Variants in MAPK8IP3 observed in about 807,000 individuals in gnomAD.
MAPK8IP3 encodes the protein mitogen-activated protein kinase 8 interacting protein 3.
MAPK8IP3 carries 49 observed loss-of-function variants against 157.8 expected under a neutral mutation model. The ratio of observed to expected loss-of-function variants is 0.31; its 90% confidence interval spans 0.25 to 0.39. The LOEUF is 0.39. Among genes scored for constraint, MAPK8IP3 ranks in the 10% least tolerant of loss-of-function variants. The pLI is 1.00. For synonymous variants in MAPK8IP3, 897 were observed against 777.7 expected (o/e 1.15, Z -2.55); for missense variants, 1,478 against 1,889.4 (o/e 0.78, Z 4.04).
At chr16:1,750,813 T>C (rs905850847) in intron 8 of MAPK8IP3, among the ~76,000 whole-genome samples, 1 of 151,972 alleles carries the variant, frequency 6.6e-6, no homozygotes, top group Non-Finnish European at 1.5e-5. Context: ...GCCCAGGTAA[T>C]TTTTGTATTT....
chr16:1,744,507 G>A, intron 5 of MAPK8IP3: 1 of 985,662 alleles, frequency 1.0e-6, no homozygotes, highest in Non-Finnish European at 1.2e-6. Flanking sequence ...TCCTCCCTGT[G>A]CTCAGGGCTG....
intron 8 of MAPK8IP3, among the ~76,000 whole-genome samples, chr16:1,755,936 G>A (rs947564134): frequency 6.6e-6 from 1 of 150,426 alleles, no homozygotes; most frequent in African/African-American, 2.4e-5. Flanking sequence ...AAATAATAAA[G>A]AAATAAAGAG....
chr16:1,767,094 C>G lies in MAPK8IP3; in HGVS notation c.3089-55C>G. 4 of 1,602,470 alleles carry G rather than the reference C, an allele frequency of 2.5e-6. No homozygotes were observed. The South Asian group carries it at 3.3e-5, about 13-fold the overall frequency. On this transcript the variant is annotated intron_variant, in intron 25 of 31. Coordinates refer to ENST00000610761, the MANE Select transcript of MAPK8IP3 (RefSeq NM_001318852.2). ...GCAGTGGGTGTCTCAACCCGATGCC[C>G]TGAGCAGAGGTGGGGCCTGGCCAGG...
intron 4 of MAPK8IP3, among the ~76,000 whole-genome samples, chr16:1,731,448 C>T (rs2141746892): frequency 6.6e-6 from 1 of 152,368 alleles, no homozygotes; most frequent in South Asian, 2.1e-4. Flanking sequence ...CAAGGCGATG[C>T]TCTGCCCTCC....
In MAPK8IP3 at chr16:1,762,490, T is replaced by TG. The variant is rs749318785; in HGVS notation, c.1670+10dup. On this transcript the variant is annotated intron_variant, in intron 14 of 31. Transcript: ENST00000610761. Reference sequence around the variant, plus strand: ...TGGACTGAGATGATCAGGTGGGAGTTGCGGCCACCCCAGGAGGGGCTGCGG... The same window carrying TG: ...TGGACTGAGATGATCAGGTGGGAGTTGGCGGCCACCCCAGGAGGGGCTGCGG... 3 of 1,611,328 alleles carry TG rather than the reference T, an allele frequency of 1.9e-6. No individual in the cohort carries two copies. Among genetic ancestry groups the TG allele is most frequent in the Non-Finnish European group, 2.5e-6 (3 of 1,179,088 alleles).
At chr16:1,744,310 T>G in intron 5 of MAPK8IP3, 1 of 985,924 alleles carries the variant, frequency 1.0e-6, no homozygotes, top group Non-Finnish European at 1.2e-6. Context: ...TGGGTTGGGC[T>G]GGTGGATGTG....
At chr16:1,748,808 C>G (rs1400809974) in intron 8 of MAPK8IP3, 88 bp downstream of exon 8, 2 of 1,191,742 alleles carry the variant, frequency 1.7e-6, no homozygotes, top group African/African-American at 3.0e-5. Flanking sequence ...AAGGAAAGTC[C>G]TCTGTCAGCT....
Position 1,743,817 on chromosome 16 carries a change from T to A in MAPK8IP3, c.747+341T>A. The A allele has an allele frequency of 1.7e-6, 2 of 1,188,144 alleles. No individual in the cohort carries two copies. The highest frequency in any genetic ancestry group is 3.4e-4 in the Middle Eastern group (1 of 2,968). The allele number at this position is 1,188,144 out of a possible 1,614,324, so 73.6% of individuals were successfully genotyped here. A position where few individuals can be genotyped will look rare whatever the true frequency, so the allele number is the denominator to read the frequency against. On this transcript the variant is annotated intron_variant, in intron 5 of 31. Transcript: ENST00000610761. This position sits in a 1 kb window ranked among gnomAD's most constrained non-coding sequence, Gnocchi z 5.6. Reference sequence around the variant, plus strand: ...TCCTCTCTCAAACCACACCCCCACATAAAGCCTCATGCTCACCCGGGCTCC... The same window carrying A: ...TCCTCTCTCAAACCACACCCCCACAAAAAGCCTCATGCTCACCCGGGCTCC...
intron 1 of MAPK8IP3, chr16:1,707,743 T>A (rs2037494621): frequency 6.6e-6 from 1 of 152,240 alleles, no homozygotes; most frequent in Admixed American, 6.5e-5. Context: ...CACTAGGCGA[T>A]CTCCAAGCCC....
At chr16:1,752,176 C>T (rs1458985754) in intron 8 of MAPK8IP3, 4 of 159,506 alleles carry the variant, frequency 2.5e-5, no homozygotes, top group African/African-American at 9.6e-5. Flanking sequence ...CAGCACCCAC[C>T]TAGAGGGCAC....
intron 4 of MAPK8IP3, among the ~76,000 whole-genome samples, chr16:1,740,616 G>A (rs1051762925): frequency 2.0e-5 from 3 of 152,178 alleles, no homozygotes; most frequent in Admixed American, 1.3e-4. Flanking sequence ...TGCTGCCCAC[G>A]CCTTCTAACG....
rs1269989664 is a variant in MAPK8IP3, at chr16:1,761,284, C to T, written c.1518C>T (p.Ser506=). ...CCAAAGAAGAGGCGGAGGATGTAAG[C>T]AGCTATCTCTGTACAGAATCGGTAC... ...REPKEEAEDV[S]SYLCTESDKI... Residue 506 remains serine, a synonymous_variant, in exon 13 of 32, where the codon AGC becomes AGT. Coordinates refer to ENST00000610761, the MANE Select transcript of MAPK8IP3 (RefSeq NM_001318852.2). The T allele has an allele frequency of 1.2e-6, 2 of 1,613,608 alleles. No individual in the cohort carries two copies. Among genetic ancestry groups the T allele is most frequent in the Non-Finnish European group, 1.7e-6 (2 of 1,180,004 alleles).
intron 4 of MAPK8IP3, among the ~76,000 whole-genome samples, chr16:1,729,851 C>T (rs1327026337): frequency 2.6e-5 from 4 of 152,122 alleles, no homozygotes; most frequent in Admixed American, 1.3e-4. Flanking sequence ...GGGCAGCTTG[C>T]GCATATTTAA....
Position 1,733,723 on chromosome 16 carries a change from C to G in MAPK8IP3, c.602+4145C>G, listed in dbSNP as rs188219060. Among the ~76,000 whole-genome samples the G allele has an allele frequency of 3.1e-3, 466 of 152,350 alleles. 3 individuals are homozygous for G. Among genetic ancestry groups the G allele is most frequent in the Non-Finnish European group, 4.9e-3 (331 of 68,036 alleles). On this transcript the variant is annotated intron_variant, in intron 4 of 31. Coordinates refer to ENST00000610761, the MANE Select transcript of MAPK8IP3 (RefSeq NM_001318852.2). Reference sequence around the variant, plus strand: ...TGTCAGGGCCCCACTGCTGGGGTCCCCTCTGCAGCTCTGCCACGGCTCCTG... The same window carrying G: ...TGTCAGGGCCCCACTGCTGGGGTCCGCTCTGCAGCTCTGCCACGGCTCCTG...
intron 4 of MAPK8IP3, among the ~76,000 whole-genome samples, chr16:1,736,659 C>A (rs1225106322): frequency 1.5e-4 from 5 of 33,916 alleles, no homozygotes; most frequent in Non-Finnish European, 2.0e-4. Context: ...TCCGTGTGAG[C>A]GTGTGACCGT....
chr16:1,736,549 CGTGTGACTGTCCGT>C (rs2039862486), intron 4 of MAPK8IP3, among the ~76,000 whole-genome samples: 3 of 62,440 alleles, frequency 4.8e-5, no homozygotes, highest in Non-Finnish European at 8.5e-5. Flanking sequence ...TCCGTGTGAG[CGTGTGACTGTCCGT>C]GTGTGACCGT....
chr16:1,765,756 T>C (rs2575372), intron 20 of MAPK8IP3, among the ~76,000 whole-genome samples: 31,042 of 152,158 alleles, frequency 0.2, 3,445 homozygotes, highest in East Asian at 0.46. Flanking sequence ...CCCAGGGGCC[T>C]ACCCAACAGA....
At chr16:1,745,532 C>T (rs980135553) in intron 5 of MAPK8IP3, 4 of 152,360 alleles carry the variant, frequency 2.6e-5, no homozygotes, top group South Asian at 2.1e-4. Context: ...AAAGCCACTC[C>T]GGGAGGCGGG....
Position 1,748,643 on chromosome 16 carries a change from C to T in MAPK8IP3, c.1139C>T (p.Thr380Ile). Reference sequence around the variant, plus strand: ...GTGAACAAAGCTTTCGGCATCAACACCGACTCCCTGTACCATGAGCTGTCG... The same window carrying T: ...GTGAACAAAGCTTTCGGCATCAACATCGACTCCCTGTACCATGAGCTGTCG... ...GIVNKAFGINTDSLYHELSTA... is the reference protein window; with the variant it reads ...GIVNKAFGINIDSLYHELSTA... Residue 380 changes from threonine (T) to isoleucine (I), a missense_variant, in exon 8 of 32, where the codon ACC (threonine) becomes ATC (isoleucine). Transcript: ENST00000610761. 2 of 1,614,174 alleles carry T rather than the reference C, an allele frequency of 1.2e-6. No homozygotes were observed. Among genetic ancestry groups the T allele is most frequent in the Non-Finnish European group, 1.7e-6 (2 of 1,180,032 alleles).
Sources: allele counts gnomAD v4.1 joint callset (sites outside exome capture counted in the v4.1 genomes callset), GRCh38; gene constraint gnomAD v4.1.1; non-coding constraint Gnocchi (gnomAD v3.1); transcripts MANE v1.5; gene names NCBI Gene and HGNC (gene_info 2026-07-23, HGNC 2026-07-21).